Variants in PDE4D observed in about 807,000 individuals in gnomAD.
PDE4D encodes the protein phosphodiesterase 4D, also known as 3',5'-cyclic-AMP phosphodiesterase 4D.
A neutral mutation model predicts 87.4 loss-of-function variants in PDE4D; 24 were observed. The ratio of observed to expected loss-of-function variants is 0.27; its 90% CI spans 0.20 to 0.39. The LOEUF (loss-of-function observed/expected upper bound fraction) is 0.39, where lower values mean the gene tolerates loss of function less well. PDE4D is among the 10% of genes least tolerant of loss of function. The pLI, the probability that PDE4D is intolerant of heterozygous loss-of-function variation, is 1.00. For synonymous variants in PDE4D, 384 were observed against 383.2 expected, an observed-to-expected ratio of 1.00 and a Z score of -0.02; for missense variants, 714 against 1,041.0, an observed-to-expected ratio of 0.69 and a Z score of 4.32.
At chr5:59,299,999 C>T (rs1282042354) in intron 1 of PDE4D, among the ~76,000 whole-genome samples, 1 of 150,274 alleles carries the variant, frequency 6.7e-6, no homozygotes, top group Non-Finnish European at 1.5e-5. Context: ...GTAGTCCCGG[C>T]TACTTGGGAG....
intron 1 of PDE4D, among the ~76,000 whole-genome samples, chr5:59,622,919 C>T (rs1830500847): frequency 6.6e-6 from 1 of 152,118 alleles, no homozygotes; most frequent in Non-Finnish European, 1.5e-5. Flanking sequence ...TCTTTTTGTC[C>T]TGATTCTTTA....
At chr5:60,082,868 C>T (rs952578735) in intron 2 of PDE4D, among the ~76,000 whole-genome samples, 2 of 152,140 alleles carry the variant, frequency 1.3e-5, no homozygotes, top group South Asian at 2.1e-4. Flanking sequence ...GCATGCTGCT[C>T]GCTCTACTTA....
At chr5:59,898,480 A>G (rs569580367), upstream of PDE4D, among the ~76,000 whole-genome samples, 166 of 152,344 alleles carry the variant, frequency 1.1e-3, no homozygotes, top group African/African-American at 3.8e-3. Flanking sequence ...CTTACAGCTC[A>G]GTGAGTCCTC....
intron 3 of PDE4D, among the ~76,000 whole-genome samples, chr5:59,939,149 G>A (rs1332031258): frequency 1.3e-5 from 2 of 152,196 alleles, no homozygotes; most frequent in Admixed American, 6.5e-5. Context: ...GGAGTATCCT[G>A]TTAAAGCACA....
chr5:59,655,162 G>GA (rs149624981), intron 1 of PDE4D, among the ~76,000 whole-genome samples: 7 of 150,048 alleles, frequency 4.7e-5, no homozygotes, highest in Non-Finnish European at 7.4e-5. Flanking sequence ...AAAATTCTCT[G>GA]AAAAAAAAAT....
intron 1 of PDE4D, among the ~76,000 whole-genome samples, chr5:59,678,132 A>G (rs1363691490): frequency 2.6e-5 from 4 of 151,764 alleles, no homozygotes; most frequent in Admixed American, 6.6e-5. Context: ...CTCAGTCTCA[A>G]AAAGAGTAAA....
chr5:59,538,320 CCA>C (rs2153682896), intron 1 of PDE4D, among the ~76,000 whole-genome samples: 2 of 152,256 alleles, frequency 1.3e-5, no homozygotes, highest in African/African-American at 4.8e-5. Flanking sequence ...ATTGCATTTT[CCA>C]CAGTTTATTG....
intron 1 of PDE4D, among the ~76,000 whole-genome samples, chr5:59,727,074 ATAAC>A (rs1394592890): frequency 5.3e-5 from 8 of 152,246 alleles, no homozygotes; most frequent in South Asian, 2.1e-4. Flanking sequence ...GCTCCAGATT[ATAAC>A]TAACATAATA....
intron 2 of PDE4D, among the ~76,000 whole-genome samples, chr5:59,206,304 GCTTT>G (rs1295902174): frequency 6.6e-6 from 1 of 152,124 alleles, no homozygotes; most frequent in Non-Finnish European, 1.5e-5. Flanking sequence ...TCTGCTTGAT[GCTTT>G]CTTTCTGTTT....
chr5:59,184,135 T>A (rs1002943074), intron 4 of PDE4D, among the ~76,000 whole-genome samples: 2 of 152,232 alleles, frequency 1.3e-5, no homozygotes, highest in African/African-American at 2.4e-5. Context: ...TCCCAGTAGA[T>A]GAGGAGAGGA....
At chr5:59,644,367 C>A (rs997407614) in intron 1 of PDE4D, among the ~76,000 whole-genome samples, 1 of 152,190 alleles carries the variant, frequency 6.6e-6, no homozygotes, top group Non-Finnish European at 1.5e-5. Flanking sequence ...TTCTCTCAGT[C>A]TCACATTCTG....
intron 1 of PDE4D, among the ~76,000 whole-genome samples, chr5:59,257,523 T>C (rs1761200204): frequency 6.6e-6 from 1 of 152,066 alleles, no homozygotes; most frequent in South Asian, 2.1e-4. Context: ...TTGGGAAAAC[T>C]ATTCCAACCA....
chr5:60,322,959 G>C (rs774672326), intron 1 of PDE4D, among the ~76,000 whole-genome samples: 1 of 152,140 alleles, frequency 6.6e-6, no homozygotes, highest in African/African-American at 2.4e-5. Context: ...CTGACCATCC[G>C]ATCTTTATCA....
intron 3 of PDE4D, among the ~76,000 whole-genome samples, chr5:59,973,573 T>C (rs1761006139): frequency 6.6e-6 from 1 of 152,170 alleles, no homozygotes; most frequent in African/African-American, 2.4e-5. Flanking sequence ...CTCATCTCAG[T>C]TTTTTTCAGT....
chr5:59,865,927 A>T (rs946041529), intron 1 of PDE4D, among the ~76,000 whole-genome samples: 2 of 152,244 alleles, frequency 1.3e-5, no homozygotes, highest in Non-Finnish European at 2.9e-5. Context: ...CTGACAGGTG[A>T]TTGCTGCTAG....
chr5:59,594,066 C>T (rs1361634548), intron 1 of PDE4D, among the ~76,000 whole-genome samples: 2 of 151,766 alleles, frequency 1.3e-5, no homozygotes, highest in African/African-American at 4.8e-5. Context: ...TGCCCAACTC[C>T]AGCCCACTCT....
intron 3 of PDE4D, among the ~76,000 whole-genome samples, chr5:59,929,566 G>A (rs1177522581): frequency 6.6e-6 from 1 of 151,622 alleles, no homozygotes; most frequent in East Asian, 1.9e-4. Context: ...TAAACATCAT[G>A]TTCTCTTTGG....
intron 6 of PDE4D, among the ~76,000 whole-genome samples, chr5:59,031,070 T>C (rs982517007): frequency 2.0e-5 from 3 of 151,968 alleles, no homozygotes; most frequent in Non-Finnish European, 4.4e-5. Flanking sequence ...TTCAAACAGA[T>C]GAATGATAAC....
At chr5:59,538,378 C>T (rs1018323050) in intron 1 of PDE4D, among the ~76,000 whole-genome samples, 2 of 152,130 alleles carry the variant, frequency 1.3e-5, no homozygotes, top group Non-Finnish European at 2.9e-5. Context: ...CCCTACTAGC[C>T]CAAATGGAAC....
Sources: gnomAD v4.1 joint callset for allele counts (sites outside exome capture counted in the v4.1 genomes callset) on GRCh38, gnomAD v4.1.1 for gene constraint, MANE v1.5 for transcripts, NCBI Gene and HGNC (gene_info 2026-07-23, HGNC 2026-07-21) for gene names.